ARHGAP42: variants seen among roughly 807,000 people sequenced by gnomAD.
ARHGAP42 encodes Rho GTPase activating protein 42.
Under a neutral mutation model 125.0 loss-of-function variants are expected in ARHGAP42, and 63 were observed. The ratio of observed to expected loss-of-function variants is 0.50; its 90% confidence interval spans 0.41 to 0.62. The LOEUF (loss-of-function observed/expected upper bound fraction) is 0.62. ARHGAP42 is among the 20% of genes least tolerant of loss of function. The pLI, the probability that ARHGAP42 is intolerant of heterozygous loss-of-function variation, is 0.00. For synonymous variants in ARHGAP42, 339 were observed against 351.0 expected, an observed-to-expected ratio of 0.97 and a Z score of 0.38; for missense variants, 766 against 1,024.2, an observed-to-expected ratio of 0.75 and a Z score of 3.44.
chr11:100,949,687 C>T (rs888272904), intron 11 of ARHGAP42, among the ~76,000 whole-genome samples: 7 of 152,218 alleles, frequency 4.6e-5, no homozygotes, highest in Non-Finnish European at 5.9e-5. Flanking sequence ...GAGGTAGAAC[C>T]TTGTCCAGGG....
intron 1 of ARHGAP42, among the ~76,000 whole-genome samples, chr11:100,710,740 C>T (rs2120235706): frequency 6.6e-6 from 1 of 152,090 alleles, no homozygotes; most frequent in East Asian, 1.9e-4. Context: ...AGGGTTTCAC[C>T]ATGTTGGCCA....
Position 100,962,477 on chromosome 11 carries a change from C to T in ARHGAP42, c.1444+10C>T, listed in dbSNP as rs1857980598. On this transcript the variant is annotated intron_variant, in intron 16 of 23. Transcript: ENST00000298815. ...TTTATCATTGCTGTTAGTAAGTATA[C>T]TTGCATCATATACACATTATAATTG... 1 of 1,543,388 alleles carries T rather than the reference C, an allele frequency of 6.5e-7. No homozygotes were observed. Among genetic ancestry groups the T allele is most frequent in the South Asian group, 1.2e-5 (1 of 83,876 alleles).
Position 100,913,470 on chromosome 11 carries a change from G to A in ARHGAP42, c.403G>A (p.Asp135Asn). 6.2e-6 allele frequency: 8 copies of A among 1,287,918 alleles called. No individual in the cohort carries two copies. The highest frequency in any genetic ancestry group is 7.1e-6 in the Non-Finnish European group (7 of 983,204). 79.8% of individuals were successfully genotyped at this position (1,287,918 alleles called of 1,614,324 possible). A position where few individuals can be genotyped will look rare whatever the true frequency, so the allele number is the denominator to read the frequency against. The change falls in exon 5 of 24, where the codon GAC (aspartate) becomes AAC (asparagine). Residue 135 changes from aspartate to asparagine, a missense_variant. By Grantham distance (23) the Asp-to-Asn change is conservative. Around this residue, in one of 3 missense-constraint regions of ARHGAP42, gnomAD observed 455 missense variants for 636.5 expected, o/e 0.71. Transcript: ENST00000298815. ...CCTTTAGGATGGAAAGAAGAAGTTT[G>A]ACAAAGAGAGTGAAAAATATTACTC... ...GAAKDGKKKFDKESEKYYSIL... is the reference protein window; with the variant it reads ...GAAKDGKKKFNKESEKYYSIL...
At chr11:100,844,099 G>T (rs952721146) in intron 3 of ARHGAP42, among the ~76,000 whole-genome samples, 5 of 151,942 alleles carry the variant, frequency 3.3e-5, no homozygotes, top group African/African-American at 9.7e-5. Context: ...ATAAAAATTG[G>T]CACATAGACC....
intron 3 of ARHGAP42, among the ~76,000 whole-genome samples, chr11:100,835,180 C>T (rs192892775): frequency 2.2e-4 from 33 of 152,188 alleles, no homozygotes; most frequent in Admixed American, 2.6e-4. Flanking sequence ...ACTTAACTTA[C>T]GAGGTTCCTC....
intron 3 of ARHGAP42, among the ~76,000 whole-genome samples, chr11:100,856,339 C>T (rs963901556): frequency 5.3e-5 from 8 of 152,000 alleles, no homozygotes; most frequent in Admixed American, 5.3e-4. Context: ...AAAATTTTAA[C>T]ACCTTCTTGA....
At chr11:100,806,349 C>G (rs76402612) in intron 3 of ARHGAP42, among the ~76,000 whole-genome samples, 1 of 152,052 alleles carries the variant, frequency 6.6e-6, no homozygotes, top group Non-Finnish European at 1.5e-5. Flanking sequence ...GATATGCCCT[C>G]GATAGGTGAT....
At chr11:100,783,776 A>T (rs1164554336) in intron 2 of ARHGAP42, among the ~76,000 whole-genome samples, 1 of 152,232 alleles carries the variant, frequency 6.6e-6, no homozygotes, top group African/African-American at 2.4e-5. Context: ...TCAAAATGAT[A>T]TACAAGGTGT....
chr11:100,973,786 A>T (rs909128248), intron 18 of ARHGAP42, among the ~76,000 whole-genome samples: 1 of 152,172 alleles, frequency 6.6e-6, no homozygotes, highest in Non-Finnish European at 1.5e-5. Context: ...TAACTATGAA[A>T]ATGGGAAATT....
intron 1 of ARHGAP42, among the ~76,000 whole-genome samples, chr11:100,753,643 C>T (rs184966136): frequency 1.3e-5 from 2 of 152,352 alleles, no homozygotes; most frequent in East Asian, 3.9e-4. Flanking sequence ...CAGTTAGAAT[C>T]AGGAATGGTT....
At chr11:100,915,608 A>T (rs145031588) in intron 5 of ARHGAP42, among the ~76,000 whole-genome samples, 1 of 152,332 alleles carries the variant, frequency 6.6e-6, no homozygotes, top group Non-Finnish European at 1.5e-5. Context: ...ACTTAGCTCA[A>T]TATTCATTAC....
chr11:100,762,573 G>A (rs370429285), intron 1 of ARHGAP42, among the ~76,000 whole-genome samples: 18 of 152,290 alleles, frequency 1.2e-4, no homozygotes, highest in African/African-American at 2.9e-4. Context: ...AATGAAGACC[G>A]ATTTTTAATA....
rs990899997 is a variant in ARHGAP42, at chr11:100,976,887, C to T, written c.2309C>T (p.Pro770Leu). 2.7e-5 allele frequency: 42 copies of T among 1,551,412 alleles called. No homozygotes were observed. The Admixed American group carries it at 8.2e-4, about 30-fold the overall frequency. The change falls in exon 21 of 24, where the codon CCA becomes CTA. Residue 770 changes from proline (P) to leucine (L), a missense_variant. Transcript: ENST00000298815. ...VGSKETPKAS[P>L]NPDLPPKMCR... The stretch of plus-strand genomic sequence containing the variant: ...TCCAAGGAGACACCCAAAGCTTCAC[C>T]AAACCCAGACCTGCCTCCGAAAATG...
intron 4 of ARHGAP42, among the ~76,000 whole-genome samples, chr11:100,898,523 G>C (rs1283991522): frequency 6.6e-6 from 1 of 152,168 alleles, no homozygotes; most frequent in African/African-American, 2.4e-5. Context: ...TTCAGAGCCT[G>C]TTATTGGTCT....
intron 4 of ARHGAP42, among the ~76,000 whole-genome samples, chr11:100,909,866 T>C (rs185727626): frequency 7.9e-4 from 121 of 152,362 alleles, no homozygotes; most frequent in African/African-American, 2.7e-3. Context: ...TATATTTTTA[T>C]CTTTGTGATA....
intron 4 of ARHGAP42, among the ~76,000 whole-genome samples, chr11:100,880,854 A>G (rs564198277): frequency 1.3e-5 from 2 of 152,280 alleles, no homozygotes; most frequent in South Asian, 2.1e-4. Flanking sequence ...TTAGTGATGT[A>G]GAGCATTTTT....
intron 4 of ARHGAP42, among the ~76,000 whole-genome samples, chr11:100,886,226 TGTTA>T (rs1396546629): frequency 6.6e-6 from 1 of 152,214 alleles, no homozygotes; most frequent in African/African-American, 2.4e-5. Flanking sequence ...ATTATCTAAT[TGTTA>T]GTTATTATCT....
In ARHGAP42 at chr11:100,807,613, G is replaced by C. The variant is rs541775699; in HGVS notation, c.312+12447G>C. ...GACCACACTTTACATATAGGACCCA[G>C]TTCCAGGAGTTGGGGCTTGCAGCTC... On this transcript the variant is annotated intron_variant, in intron 3 of 23. Coordinates refer to ENST00000298815, the MANE Select transcript of ARHGAP42 (RefSeq NM_152432.4). Among the ~76,000 whole-genome samples, 17 of 152,280 alleles carry C rather than the reference G, an allele frequency of 1.1e-4. No homozygotes were observed. The South Asian group carries it at 2.5e-3, about 22-fold the overall frequency.
At chr11:100,981,938 G>GAAAA (rs1242366419) in intron 22 of ARHGAP42, among the ~76,000 whole-genome samples, 1 of 152,102 alleles carries the variant, frequency 6.6e-6, no homozygotes, top group Non-Finnish European at 1.5e-5. Flanking sequence ...TTGGCCATAG[G>GAAAA]GTTTGAGGAG....
Sources: gnomAD v4.1 joint callset for allele counts (sites outside exome capture counted in the v4.1 genomes callset) on GRCh38, gnomAD v4.1.1 for gene constraint, gnomAD v4.1.1 regional missense constraint, MANE v1.5 for transcripts, NCBI Gene and HGNC (gene_info 2026-07-23, HGNC 2026-07-21) for gene names.